The following DIPK1A variants were observed in gnomAD, a reference collection of about 807,000 sequenced individuals.
The protein encoded by DIPK1A is family with sequence similarity 69 member A.
DIPK1A carries 27 observed loss-of-function variants against 40.8 expected under a neutral mutation model. The ratio of observed to expected loss-of-function variants is 0.66; its 90% CI spans 0.49 to 0.91. The LOEUF is 0.91. Among genes scored for constraint, DIPK1A ranks in the 40% least tolerant of loss-of-function variants. The probability of loss-of-function intolerance (pLI) is 0.00; values close to 1 mark genes in which losing one functional copy is unlikely to be tolerated. For missense variants in DIPK1A, 412 were observed against 505.7 expected, an observed-to-expected ratio of 0.81 and a Z score of 1.78; for synonymous variants, 166 against 171.3, an observed-to-expected ratio of 0.97 and a Z score of 0.24.
At position 92,945,268 on chromosome 1, in the gene DIPK1A, C is replaced by T. The variant is rs557856972; in HGVS notation, c.54+16108G>A. Among the ~76,000 whole-genome samples, 8 of 151,878 alleles carry T rather than the reference C, an allele frequency of 5.3e-5. No individual in the cohort carries two copies. The South Asian group carries it at 1.7e-3, about 32-fold the overall frequency. On this transcript the variant is annotated intron_variant, in intron 1 of 4. Transcript: ENST00000370310. ...GGAAGATGGTGCCAGAAAAAGAAGGCAATTAGAAACTCCCTGCAAAAATTT... is the reference window on the plus strand; with the variant it reads ...GGAAGATGGTGCCAGAAAAAGAAGGTAATTAGAAACTCCCTGCAAAAATTT...
chr1:92,899,156 C>G (rs930518056), intron 1 of DIPK1A, among the ~76,000 whole-genome samples: 1 of 152,142 alleles, frequency 6.6e-6, no homozygotes, highest in Non-Finnish European at 1.5e-5. Flanking sequence ...AAACCCCCAA[C>G]TTTTATTGTA....
chr1:92,835,443 A>G (rs1479321293), intron 4 of DIPK1A: 1 of 175,204 alleles, frequency 5.7e-6, no homozygotes, highest in Non-Finnish European at 1.2e-5. Flanking sequence ...ACTTGAGGTC[A>G]GGAGTTTGAG....
chr1:92,855,561 A>C (rs1687960965), intron 2 of DIPK1A, among the ~76,000 whole-genome samples: 1 of 151,554 alleles, frequency 6.6e-6, no homozygotes. Flanking sequence ...TAAATTAGCC[A>C]GGCATGGTGG....
intron 1 of DIPK1A, among the ~76,000 whole-genome samples, chr1:92,952,772 T>A (rs909402222): frequency 7.9e-5 from 12 of 151,862 alleles, no homozygotes; most frequent in African/African-American, 1.4e-4. Flanking sequence ...GGCTTTTTTT[T>A]AAAAAAAAAT....
In DIPK1A at chr1:92,842,825, ATAACT is replaced by A; in HGVS notation, c.*553_*557del. On this transcript the variant is annotated 3_prime_UTR_variant, in exon 5 of 5. Transcript: ENST00000370310. ...CACTTGAACCATTGTGAAGCTACAC[ATAACT>A]TGATGTCTGAATGAGGTTAAAAATG... 1 of 985,556 alleles carries A rather than the reference ATAACT, an allele frequency of 1.0e-6. No homozygotes were observed. Among genetic ancestry groups the A allele is most frequent in the Non-Finnish European group, 1.2e-6 (1 of 830,008 alleles). 61.1% of individuals were successfully genotyped at this position (985,556 alleles called of 1,614,324 possible). A position where few individuals can be genotyped will look rare whatever the true frequency, so the allele number is the denominator to read the frequency against.
intron 4 of DIPK1A, chr1:92,833,842 C>G: frequency 1.7e-6 from 1 of 604,230 alleles, no homozygotes; most frequent in East Asian, 2.8e-5. Context: ...AAAAAATGCT[C>G]TTGGTTGCGC....
At chr1:92,853,490 A>G (rs922156412) in intron 2 of DIPK1A, among the ~76,000 whole-genome samples, 1 of 152,222 alleles carries the variant, frequency 6.6e-6, no homozygotes, top group Non-Finnish European at 1.5e-5. Flanking sequence ...TCAATAGTAG[A>G]CAACAGTGGT....
chr1:92,960,629 A>G (rs552414102), intron 1 of DIPK1A, among the ~76,000 whole-genome samples: 1 of 152,316 alleles, frequency 6.6e-6, no homozygotes, highest in East Asian at 1.9e-4. Flanking sequence ...TGAAAAATTA[A>G]CACGCGAACC....
downstream of DIPK1A, chr1:92,840,159 AT>A (rs1254805136): frequency 3.9e-6 from 1 of 256,574 alleles, no homozygotes; most frequent in African/African-American, 2.3e-5. Flanking sequence ...GCATGCCACC[AT>A]TAATAATTGC....
intron 2 of DIPK1A, among the ~76,000 whole-genome samples, chr1:92,868,204 A>G (rs886465816): frequency 6.6e-6 from 1 of 152,264 alleles, no homozygotes; most frequent in Non-Finnish European, 1.5e-5. Flanking sequence ...AGCACAAGAA[A>G]AAGTGAGGCT....
rs77117455 is a variant in DIPK1A at position 92,927,622 on chromosome 1, C to G, written c.54+33754G>C. Among the ~76,000 whole-genome samples, 367 of 152,258 alleles carry G rather than the reference C, an allele frequency of 2.4e-3. 1 individual carries two copies. The highest frequency in any genetic ancestry group is 4.4e-3 in the Non-Finnish European group (298 of 68,014). On this transcript the variant is annotated intron_variant, in intron 1 of 4. Transcript: ENST00000370310. Reference sequence around the variant, plus strand: ...CCTGTACTCATTAGCTGTCCTTCCCCTCATTTCCCCAGCCCAAAGCAAACA... The same window carrying G: ...CCTGTACTCATTAGCTGTCCTTCCCGTCATTTCCCCAGCCCAAAGCAAACA...
intron 1 of DIPK1A, among the ~76,000 whole-genome samples, chr1:92,943,368 C>G (rs1019315273): frequency 2.0e-5 from 3 of 152,128 alleles, no homozygotes; most frequent in African/African-American, 7.2e-5. Flanking sequence ...TAGAGGGAAT[C>G]TAGAGAGCCA....
intron 1 of DIPK1A, among the ~76,000 whole-genome samples, chr1:92,954,109 G>A (rs115074884): frequency 9.6e-4 from 146 of 152,054 alleles, no homozygotes; most frequent in African/African-American, 3.3e-3. Context: ...TTCTAAACTC[G>A]CATACTTCGT....
At chr1:92,866,838 T>C (rs774938938) in intron 2 of DIPK1A, among the ~76,000 whole-genome samples, 1 of 152,204 alleles carries the variant, frequency 6.6e-6, no homozygotes, top group African/African-American at 2.4e-5. Flanking sequence ...GCCTTCCATA[T>C]GGATTTTAGA....
Position 92,843,300 on chromosome 1 carries a change from A to G in DIPK1A, c.*83T>C, listed in dbSNP as rs1687448538. 5 of 1,455,408 alleles carry G rather than the reference A, an allele frequency of 3.4e-6. No homozygotes were observed. The East Asian group carries it at 1.2e-4, about 36-fold the overall frequency. The allele number at this position is 1,455,408 out of a possible 1,614,324, so 90.2% of individuals were successfully genotyped here. A position where few individuals can be genotyped will look rare whatever the true frequency, so the allele number is the denominator to read the frequency against. On this transcript the variant is annotated 3_prime_UTR_variant, in exon 5 of 5. Coordinates refer to ENST00000370310, the MANE Select transcript of DIPK1A (RefSeq NM_001006605.5). Reference sequence around the variant, plus strand: ...AAGGAGTTTTGTGTAACTGGCCGGAATTTGAAGCCATTTTTTTTTAATGCT... The same window carrying G: ...AAGGAGTTTTGTGTAACTGGCCGGAGTTTGAAGCCATTTTTTTTTAATGCT...
At chr1:92,889,486 A>C (rs769156335) in intron 1 of DIPK1A, among the ~76,000 whole-genome samples, 38 of 152,034 alleles carry the variant, frequency 2.5e-4, no homozygotes, top group Non-Finnish European at 4.1e-4. Flanking sequence ...AGGGTCTCTT[A>C]TAGTTCTATA....
intron 3 of DIPK1A, among the ~76,000 whole-genome samples, chr1:92,847,723 A>T (rs1363357238): frequency 6.6e-6 from 1 of 152,164 alleles, no homozygotes; most frequent in Non-Finnish European, 1.5e-5. Flanking sequence ...TATAGTGTTA[A>T]CTATGTCCTA....
At chr1:92,839,370 A>C (rs1687263143), downstream of DIPK1A, among the ~76,000 whole-genome samples, 1 of 152,094 alleles carries the variant, frequency 6.6e-6, no homozygotes, top group Admixed American at 6.5e-5. Context: ...AAAAACAAAA[A>C]ATTGCCCAAT....
At chr1:92,891,614 A>G (rs1648883849) in intron 1 of DIPK1A, among the ~76,000 whole-genome samples, 1 of 152,136 alleles carries the variant, frequency 6.6e-6, no homozygotes, top group Non-Finnish European at 1.5e-5. Flanking sequence ...CTGCATTTCC[A>G]ACTGAGGTAC....
Sources: allele counts gnomAD v4.1 joint callset (sites outside exome capture counted in the v4.1 genomes callset), GRCh38; gene constraint gnomAD v4.1.1; transcripts MANE v1.5; gene names NCBI Gene and HGNC (gene_info 2026-07-23, HGNC 2026-07-21).